MON2: variants seen among roughly 807,000 people sequenced by gnomAD.
MON2 encodes MON2 regulator of endosome-to-Golgi trafficking.
MON2 carries 84 observed loss-of-function variants against 208.6 expected under a neutral mutation model. That is an observed-to-expected ratio of 0.40 (90% confidence interval 0.34 to 0.48). The LOEUF (loss-of-function observed/expected upper bound fraction) is 0.48. Among genes scored for constraint, MON2 ranks in the 20% least tolerant of loss-of-function variants. The pLI, the probability that MON2 is intolerant of heterozygous loss-of-function variation, is 0.59. For synonymous variants in MON2, 660 were observed against 694.0 expected (o/e 0.95, Z 0.77); for missense variants, 1,611 against 2,015.4 (o/e 0.80, Z 3.84).
At chr12:62,578,542 T>G in intron 31 of MON2, 37 bp downstream of exon 31, 2 of 1,308,266 alleles carry the variant, frequency 1.5e-6, no homozygotes, top group South Asian at 1.4e-5. Context: ...CTGTGACCAT[T>G]TTTGAAACCA....
chr12:62,564,326 G>T (rs1013636682), intron 26 of MON2, among the ~76,000 whole-genome samples: 2 of 152,040 alleles, frequency 1.3e-5, no homozygotes, highest in Admixed American at 6.6e-5. Context: ...TTGAATTTTG[G>T]TTTAAGATTT....
chr12:62,474,832 T>C (rs1301958950), intron 1 of MON2, among the ~76,000 whole-genome samples: 2 of 152,224 alleles, frequency 1.3e-5, no homozygotes, highest in African/African-American at 4.8e-5. Context: ...TTTAGTCATA[T>C]TTGGCTATCT....
intron 34 of MON2, among the ~76,000 whole-genome samples, chr12:62,591,099 A>G (rs2075384039): frequency 6.6e-6 from 1 of 152,256 alleles, no homozygotes; most frequent in African/African-American, 2.4e-5. Context: ...ACAGGTTTCA[A>G]TCTATCTAAT....
At chr12:62,494,100 AAGG>A in intron 3 of MON2, 58 bp downstream of exon 3, 1 of 1,452,632 alleles carries the variant, frequency 6.9e-7, no homozygotes, top group Non-Finnish European at 9.5e-7. Flanking sequence ...GTTTTCATGA[AAGG>A]AGAATGAAAC....
At chr12:62,552,844 C>T (rs750447128) in intron 23 of MON2, 37 bp from the exon 24 acceptor site, 1 of 1,545,736 alleles carries the variant, frequency 6.5e-7, no homozygotes, top group East Asian at 2.3e-5. Context: ...AAAACAAAAC[C>T]TTGGATGAAC....
chr12:62,571,393 CT>C lies in MON2; in HGVS notation c.4326del (p.Arg1444GlyfsTer6). On this transcript the variant is annotated frameshift_variant and splice_region_variant, in exon 30 of 35. Coordinates refer to ENST00000393630, the MANE Select transcript of MON2 (RefSeq NM_015026.3). LOFTEE classifies it high-confidence loss of function. ...ATATTAAACTGTCTTTATTTTCAGA[CT>C]CTTAGGGTTCCTCTCAGTTTGAAGT... ...NEKVLQNIIK[T>X]LRVPLSLKYS... is the part of the protein sequence containing the mutation. The C allele has an allele frequency of 2.5e-6, 4 of 1,587,580 alleles. No homozygotes were observed. Among genetic ancestry groups the C allele is most frequent in the Non-Finnish European group, 3.4e-6 (4 of 1,164,144 alleles).
intron 29 of MON2, 23 bp downstream of exon 29, chr12:62,566,473 C>T: frequency 6.3e-7 from 1 of 1,596,888 alleles, no homozygotes. Context: ...CATTTCTACA[C>T]TTTCATTAGA....
intron 11 of MON2, among the ~76,000 whole-genome samples, chr12:62,531,994 C>T (rs529398363): frequency 2.1e-3 from 316 of 152,222 alleles, no homozygotes; most frequent in Non-Finnish European, 3.8e-3. Context: ...TGATCTTGAT[C>T]TCCTGACCTC....
chr12:62,478,869 T>G (rs1337997847), intron 1 of MON2, among the ~76,000 whole-genome samples: 1 of 152,026 alleles, frequency 6.6e-6, no homozygotes, highest in African/African-American at 2.4e-5. Flanking sequence ...GGGAGTGAGA[T>G]TTGAGAAAAA....
At chr12:62,517,385 T>C (rs572351567) in intron 8 of MON2, among the ~76,000 whole-genome samples, 2 of 152,298 alleles carry the variant, frequency 1.3e-5, no homozygotes, top group South Asian at 4.2e-4. Context: ...TTTATCATCA[T>C]CATCTTTTTT....
At chr12:62,504,709 G>GT (rs2136097600) in intron 7 of MON2, among the ~76,000 whole-genome samples, 1 of 152,160 alleles carries the variant, frequency 6.6e-6, no homozygotes, top group South Asian at 2.1e-4. Context: ...ATTCACATAT[G>GT]CAATCAAAAT....
intron 2 of MON2, among the ~76,000 whole-genome samples, chr12:62,492,910 C>T (rs1407571976): frequency 1.3e-5 from 2 of 151,584 alleles, no homozygotes; most frequent in Admixed American, 6.6e-5. Context: ...ACCGGGGAGT[C>T]GGAGGTTGCA....
At position 62,585,154 on chromosome 12, in the gene MON2, A is replaced by G. The variant is rs551797725; in HGVS notation, c.4700-140A>G. On this transcript the variant is annotated intron_variant, in intron 32 of 34. Transcript: ENST00000393630. ...AAAAAAACACATTTTCACTATATGT[A>G]TGCTATTAGCTATAGGTTGTTCTAG... is the stretch of plus-strand genomic sequence containing the variant. 8.3e-4 allele frequency: 484 copies of G among 583,720 alleles called. 7 individuals carry two copies. Among genetic ancestry groups the G allele is most frequent in the African/African-American group, 8.2e-3 (422 of 51,192 alleles). The allele number at this position is 583,720 out of a possible 1,614,324, so 36.2% of individuals were successfully genotyped here.
chr12:62,545,246 G>A (rs1459783017), intron 21 of MON2, among the ~76,000 whole-genome samples: 1 of 151,740 alleles, frequency 6.6e-6, no homozygotes, highest in Non-Finnish European at 1.5e-5. Flanking sequence ...ACCTGGAATT[G>A]GTCTCACGTT....
intron 11 of MON2, among the ~76,000 whole-genome samples, chr12:62,531,285 C>A (rs576104734): frequency 3.9e-5 from 6 of 152,010 alleles, no homozygotes; most frequent in African/African-American, 1.2e-4. Flanking sequence ...ATCTAACAAA[C>A]CTTTGCCTAA....
chr12:62,480,432 G>A (rs923099201), intron 1 of MON2, among the ~76,000 whole-genome samples: 1 of 152,218 alleles, frequency 6.6e-6, no homozygotes, highest in Non-Finnish European at 1.5e-5. Flanking sequence ...AGGTGTGGTG[G>A]TGTGTGCCTG....
intron 29 of MON2, among the ~76,000 whole-genome samples, chr12:62,567,671 T>C (rs569274098): frequency 6.6e-6 from 1 of 152,346 alleles, no homozygotes; most frequent in African/African-American, 2.4e-5. Flanking sequence ...TCTCACTTTA[T>C]TTATTGAGCA....
chr12:62,472,731 C>T (rs887213467), intron 1 of MON2, among the ~76,000 whole-genome samples: 3 of 152,190 alleles, frequency 2.0e-5, no homozygotes, highest in Non-Finnish European at 2.9e-5. Context: ...CTCATTTGCA[C>T]GACCTTATGA....
intron 28 of MON2, 86 bp downstream of exon 28, chr12:62,566,117 G>A (rs1224840642): frequency 1.6e-5 from 23 of 1,434,160 alleles, no homozygotes; most frequent in Non-Finnish European, 2.2e-5. Flanking sequence ...TGCTGTATGT[G>A]CTTTTTCCAA....
Sources: allele counts gnomAD v4.1 joint callset (sites outside exome capture counted in the v4.1 genomes callset), GRCh38; gene constraint gnomAD v4.1.1; transcripts MANE v1.5; gene names NCBI Gene and HGNC (gene_info 2026-07-23, HGNC 2026-07-21).